Variants in PPARGC1A observed in about 807,000 individuals in gnomAD.
PPARGC1A encodes peroxisome proliferator-activated receptor gamma coactivator 1-alpha.
A neutral mutation model predicts 88.7 loss-of-function variants in PPARGC1A; 25 were observed. The observed-to-expected ratio is 0.28, with a 90% CI of 0.21 to 0.39. The LOEUF is 0.39. PPARGC1A is among the 10% of genes least tolerant of loss of function. The probability of loss-of-function intolerance (pLI) is 1.00; values close to 1 mark genes in which losing one functional copy is unlikely to be tolerated. For synonymous variants in PPARGC1A, 363 were observed against 355.6 expected (o/e 1.02, Z -0.24); for missense variants, 880 against 968.7 (o/e 0.91, Z 1.22).
At chr4:23,834,738 G>A (rs908056797) in intron 2 of PPARGC1A, among the ~76,000 whole-genome samples, 1 of 152,078 alleles carries the variant, frequency 6.6e-6, no homozygotes, top group Non-Finnish European at 1.5e-5. Flanking sequence ...AGGCTGAAAT[G>A]ATATTCCTTA....
the PPARGC1A span, among the ~76,000 whole-genome samples, chr4:23,947,000 T>A: frequency 6.6e-6 from 1 of 152,140 alleles, no homozygotes; most frequent in South Asian, 2.1e-4. Flanking sequence ...GTACGAAATT[T>A]GATTTGTACT....
the PPARGC1A span, among the ~76,000 whole-genome samples, chr4:24,464,690 C>T: frequency 2.0e-5 from 3 of 152,280 alleles, no homozygotes; most frequent in South Asian, 2.1e-4. Context: ...CTATAGAAGA[C>T]GTGCTCACAA....
intron 2 of PPARGC1A, among the ~76,000 whole-genome samples, chr4:23,856,899 G>C (rs866530198): frequency 1.3e-5 from 2 of 151,816 alleles, no homozygotes; most frequent in Non-Finnish European, 2.9e-5. Flanking sequence ...GTGCAGTTTT[G>C]TTCCCAAGGA....
the PPARGC1A span, among the ~76,000 whole-genome samples, chr4:24,441,035 C>T: frequency 6.6e-6 from 1 of 152,132 alleles, no homozygotes; most frequent in Non-Finnish European, 1.5e-5. Context: ...CCCCACCATT[C>T]CCAAGCAATC....
chr4:23,931,427 G>A, the PPARGC1A span, among the ~76,000 whole-genome samples: 4 of 151,758 alleles, frequency 2.6e-5, no homozygotes, highest in Admixed American at 1.3e-4. Flanking sequence ...CTGTATCCCC[G>A]CCCTGACTTT....
the PPARGC1A span, among the ~76,000 whole-genome samples, chr4:24,336,695 A>C: frequency 4.1e-4 from 62 of 152,306 alleles, no homozygotes; most frequent in African/African-American, 1.5e-3. Flanking sequence ...TGAACATACC[A>C]AAATACACTG....
the PPARGC1A span, among the ~76,000 whole-genome samples, chr4:24,312,424 AAAG>A: frequency 6.6e-6 from 1 of 152,028 alleles, no homozygotes; most frequent in Non-Finnish European, 1.5e-5. Context: ...CACTTAGGTG[AAAG>A]AAGAAGAGAA....
At chr4:23,994,619 C>A in the PPARGC1A span, among the ~76,000 whole-genome samples, 2 of 152,088 alleles carry the variant, frequency 1.3e-5, no homozygotes, top group Non-Finnish European at 2.9e-5. Context: ...ACATTCCTTG[C>A]AATATGCCCC....
chr4:24,026,605 G>A, the PPARGC1A span, among the ~76,000 whole-genome samples: 4 of 152,016 alleles, frequency 2.6e-5, no homozygotes, highest in African/African-American at 7.2e-5. Context: ...CAATAAAGGA[G>A]TCACCACCAA....
the PPARGC1A span, among the ~76,000 whole-genome samples, chr4:23,910,342 T>TATA: frequency 1.8e-5 from 1 of 56,252 alleles, no homozygotes; most frequent in Non-Finnish European, 2.8e-5. Flanking sequence ...TTATATATAT[T>TATA]ATATATTATA....
the PPARGC1A span, among the ~76,000 whole-genome samples, chr4:24,046,587 C>T: frequency 1.3e-5 from 2 of 152,144 alleles, no homozygotes; most frequent in Non-Finnish European, 2.9e-5. Context: ...GTCCTTTGTG[C>T]TCAGGATAAA....
chr4:24,319,968 T>C, the PPARGC1A span, among the ~76,000 whole-genome samples: 1 of 152,188 alleles, frequency 6.6e-6, no homozygotes, highest in African/African-American at 2.4e-5. Flanking sequence ...CTAAGAGTCA[T>C]ACTAGACACA....
chr4:24,044,695 A>C, the PPARGC1A span, among the ~76,000 whole-genome samples: 1 of 152,200 alleles, frequency 6.6e-6, no homozygotes, highest in Non-Finnish European at 1.5e-5. Context: ...GTGCATCTCA[A>C]AATGGCATGT....
At chr4:23,917,044 T>C in the PPARGC1A span, among the ~76,000 whole-genome samples, 12 of 152,196 alleles carry the variant, frequency 7.9e-5, no homozygotes. Context: ...TCCCCGCACA[T>C]GCTACCTCAC....
chr4:24,442,648 G>T, the PPARGC1A span, among the ~76,000 whole-genome samples: 1 of 152,316 alleles, frequency 6.6e-6, no homozygotes, highest in East Asian at 1.9e-4. Flanking sequence ...AAACAAGAGA[G>T]GGGGCTATCT....
the PPARGC1A span, among the ~76,000 whole-genome samples, chr4:23,994,215 AT>A: frequency 2.6e-5 from 4 of 152,098 alleles, no homozygotes; most frequent in Non-Finnish European, 5.9e-5. Context: ...TGTCTATGTA[AT>A]TCCTGTGTTG....
At chr4:24,113,172 C>T in the PPARGC1A span, among the ~76,000 whole-genome samples, 1 of 152,106 alleles carries the variant, frequency 6.6e-6, no homozygotes, top group Non-Finnish European at 1.5e-5. Flanking sequence ...CAATCCATGT[C>T]TGATTTATTT....
chr4:24,229,606 G>A, the PPARGC1A span, among the ~76,000 whole-genome samples: 9 of 151,638 alleles, frequency 5.9e-5, no homozygotes, highest in African/African-American at 2.2e-4. Flanking sequence ...GCCGAGGTGA[G>A]TGGATCACTT....
At chr4:24,390,900 A>G in the PPARGC1A span, among the ~76,000 whole-genome samples, 1 of 152,052 alleles carries the variant, frequency 6.6e-6, no homozygotes, top group East Asian at 1.9e-4. Context: ...CAAGCAACTT[A>G]GGAATGTAAT....
Sources: gnomAD v4.1 joint callset for allele counts (sites outside exome capture counted in the v4.1 genomes callset) on GRCh38, gnomAD v4.1.1 for gene constraint, MANE v1.5 for transcripts, NCBI Gene and HGNC (gene_info 2026-07-23, HGNC 2026-07-21) for gene names.